REDIC1: variants seen among roughly 807,000 people sequenced by gnomAD.
REDIC1 encodes regulator of DNA class I crossover intermediates 1, also known as HEI10 Interacting Protein 1.
the REDIC1 span, among the ~76,000 whole-genome samples, chr12:39,907,098 T>C: frequency 6.6e-6 from 1 of 152,160 alleles, no homozygotes; most frequent in African/African-American, 2.4e-5. Flanking sequence ...GCTATCATAT[T>C]CATGCTTAAT....
the REDIC1 span, among the ~76,000 whole-genome samples, chr12:39,656,995 G>T: frequency 2.6e-5 from 4 of 152,090 alleles, no homozygotes; most frequent in African/African-American, 9.7e-5. Flanking sequence ...ATTGATGAAA[G>T]AAATTTTTAA....
the REDIC1 span, among the ~76,000 whole-genome samples, chr12:39,681,847 GT>G: frequency 1.3e-5 from 2 of 151,890 alleles, no homozygotes; most frequent in African/African-American, 4.8e-5. Flanking sequence ...GCAATCTGTG[GT>G]TTTTTTTCCT....
At chr12:39,874,547 G>A in the REDIC1 span, among the ~76,000 whole-genome samples, 7 of 147,086 alleles carry the variant, frequency 4.8e-5, no homozygotes, top group Non-Finnish European at 8.9e-5. Flanking sequence ...CCTGGGAGGC[G>A]AAGATTGCAG....
At chr12:39,665,858 G>T in the REDIC1 span, among the ~76,000 whole-genome samples, 4 of 152,120 alleles carry the variant, frequency 2.6e-5, no homozygotes, top group Non-Finnish European at 5.9e-5. Flanking sequence ...GTTCACTCAT[G>T]ATTTGGCTCT....
the REDIC1 span, among the ~76,000 whole-genome samples, chr12:39,677,417 C>CTA: frequency 1.3e-5 from 2 of 151,948 alleles, no homozygotes; most frequent in African/African-American, 4.8e-5. Context: ...ACATATGCAC[C>CTA]TAACACAGGA....
At chr12:39,713,382 GTATGTGTGTAGACACATACGTA>G in the REDIC1 span, among the ~76,000 whole-genome samples, 2 of 122,062 alleles carry the variant, frequency 1.6e-5, no homozygotes, top group African/African-American at 6.0e-5. Flanking sequence ...ATATACATAT[GTATGTGTGTAGACACATACGTA>G]TGTATACACA....
chr12:39,870,908 AAACAGTTCTATT>A, the REDIC1 span, among the ~76,000 whole-genome samples: 8 of 152,192 alleles, frequency 5.3e-5, no homozygotes, highest in African/African-American at 1.7e-4. Context: ...TGAGTGACTG[AAACAGTTCTATT>A]AGATCAATGT....
At chr12:39,715,058 C>T in the REDIC1 span, among the ~76,000 whole-genome samples, 7 of 152,020 alleles carry the variant, frequency 4.6e-5, no homozygotes, top group East Asian at 1.4e-3. Context: ...TGCAAAAGCT[C>T]TTTAGTTTAA....
the REDIC1 span, among the ~76,000 whole-genome samples, chr12:39,849,926 T>C: frequency 6.6e-6 from 1 of 152,182 alleles, no homozygotes; most frequent in African/African-American, 2.4e-5. Context: ...TGTTTCTTCT[T>C]CTGTTTTTGT....
chr12:39,714,530 C>G, the REDIC1 span, among the ~76,000 whole-genome samples: 29 of 151,420 alleles, frequency 1.9e-4, no homozygotes, highest in African/African-American at 5.8e-4. Flanking sequence ...GTGAAAGTAT[C>G]TTTTTTGAAT....
chr12:39,731,257 C>G, the REDIC1 span, among the ~76,000 whole-genome samples: 1 of 152,152 alleles, frequency 6.6e-6, no homozygotes, highest in East Asian at 1.9e-4. Flanking sequence ...AATTTTCAGC[C>G]TTTTTGTGCT....
the REDIC1 span, chr12:39,864,712 A>G: frequency 2.5e-6 from 4 of 1,596,644 alleles, no homozygotes; most frequent in Admixed American, 6.9e-5. Flanking sequence ...AAAGCAAGCA[A>G]AAAAGTTACC....
At chr12:39,773,367 A>G in the REDIC1 span, among the ~76,000 whole-genome samples, 1 of 152,164 alleles carries the variant, frequency 6.6e-6, no homozygotes, top group Non-Finnish European at 1.5e-5. Flanking sequence ...GACCAAATAA[A>G]TAATCGGTTC....
chr12:39,855,460 G>A, the REDIC1 span, among the ~76,000 whole-genome samples: 1 of 152,174 alleles, frequency 6.6e-6, no homozygotes, highest in Non-Finnish European at 1.5e-5. Flanking sequence ...CTGGGGAAAT[G>A]AATTATGCCA....
chr12:39,651,686 T>C, the REDIC1 span, among the ~76,000 whole-genome samples: 1 of 152,184 alleles, frequency 6.6e-6, no homozygotes, highest in East Asian at 1.9e-4. Flanking sequence ...AGAGTTGTAA[T>C]GCCAGGTAAC....
chr12:39,760,330 C>T, the REDIC1 span: 1 of 1,331,294 alleles, frequency 7.5e-7, no homozygotes, highest in East Asian at 2.5e-5. Flanking sequence ...TTGATTTTGA[C>T]TTTTTTTTTC....
the REDIC1 span, chr12:39,758,008 C>T: frequency 4.6e-5 from 7 of 151,432 alleles, no homozygotes; most frequent in Non-Finnish European, 1.0e-4. Flanking sequence ...CTTCAATTTA[C>T]CTGTGTAAAA....
At chr12:39,895,967 T>C in the REDIC1 span, among the ~76,000 whole-genome samples, 3 of 135,814 alleles carry the variant, frequency 2.2e-5, no homozygotes, top group Non-Finnish European at 3.2e-5. Flanking sequence ...TATATATACA[T>C]GTGTATATGT....
At chr12:39,703,642 A>G in the REDIC1 span, among the ~76,000 whole-genome samples, 3 of 152,244 alleles carry the variant, frequency 2.0e-5, no homozygotes, top group Non-Finnish European at 4.4e-5. Flanking sequence ...AGCCAAAAGA[A>G]CAAAGCTGGA....
Sources: gnomAD v4.1 joint callset for allele counts (sites outside exome capture counted in the v4.1 genomes callset) on GRCh38, gnomAD v4.1.1 for gene constraint, MANE v1.5 for transcripts, NCBI Gene and HGNC (gene_info 2026-07-23, HGNC 2026-07-21) for gene names.